The following DYDC1 variants were observed in gnomAD, a reference collection of about 807,000 sequenced individuals.
DYDC1 encodes the protein DPY30 domain-containing protein 1.
In DYDC1, 21 loss-of-function variants were observed where a neutral mutation model predicts 27.9. The ratio of observed to expected loss-of-function variants is 0.75; its 90% CI spans 0.53 to 1.08. The LOEUF is 1.08. Ranked by LOEUF, DYDC1 falls within the 50% of genes least tolerant of loss-of-function variation. The probability of loss-of-function intolerance (pLI) is 0.00; values close to 1 mark genes in which losing one functional copy is unlikely to be tolerated. For synonymous variants in DYDC1, 67 were observed against 65.8 expected, an observed-to-expected ratio of 1.02 and a Z score of -0.09; for missense variants, 202 against 205.9, an observed-to-expected ratio of 0.98 and a Z score of 0.12.
intron 1 of DYDC1, 26 bp from the exon 2 acceptor site, chr10:80,352,636 C>T: frequency 6.3e-7 from 1 of 1,586,466 alleles, no homozygotes; most frequent in Non-Finnish European, 8.5e-7. Flanking sequence ...TTTTGCATTA[C>T]TGCAGGATAT....
intron 4 of DYDC1, among the ~76,000 whole-genome samples, chr10:80,339,390 A>T (rs977521170): frequency 6.6e-6 from 1 of 152,200 alleles, no homozygotes; most frequent in African/African-American, 2.4e-5. Context: ...AAAGTTTTTT[A>T]AAAATGAAAT....
intron 1 of DYDC1, among the ~76,000 whole-genome samples, chr10:80,354,925 C>T (rs1843266834): frequency 6.6e-6 from 1 of 151,848 alleles, no homozygotes; most frequent in Non-Finnish European, 1.5e-5. Flanking sequence ...ACAGTCTCTG[C>T]CTTCATGGAG....
intron 4 of DYDC1, among the ~76,000 whole-genome samples, chr10:80,339,558 G>A (rs996006707): frequency 1.3e-5 from 2 of 152,014 alleles, no homozygotes; most frequent in Non-Finnish European, 2.9e-5. Context: ...ACTTCTACAG[G>A]AACTAATCTG....
At chr10:80,342,006 A>G (rs1589500411) in intron 4 of DYDC1, among the ~76,000 whole-genome samples, 1 of 145,716 alleles carries the variant, frequency 6.9e-6, no homozygotes, top group Non-Finnish European at 1.5e-5. Flanking sequence ...CCTGGGCAAC[A>G]AGAATGAGAC....
At chr10:80,336,755 A>G (rs1293616940) in intron 6 of DYDC1, among the ~76,000 whole-genome samples, 1 of 152,210 alleles carries the variant, frequency 6.6e-6, no homozygotes, top group Non-Finnish European at 1.5e-5. Flanking sequence ...AGCCCAAGGA[A>G]GACATTTAGG....
chr10:80,336,154 T>A lies in DYDC1; in HGVS notation c.*2A>T, dbSNP rs779747751. The A allele has an allele frequency of 3.3e-6, 5 of 1,513,306 alleles. No homozygotes were observed. In the South Asian group the frequency reaches 4.8e-5, roughly 14 times the overall value. 93.7% of individuals were successfully genotyped at this position (1,513,306 alleles called of 1,614,324 possible). On this transcript the variant is annotated 3_prime_UTR_variant, in exon 7 of 7. Coordinates refer to ENST00000372202, the MANE Select transcript of DYDC1 (RefSeq NM_001269053.2). ...CATTTATTGCTCTTAGGTTGGTTGG[T>A]CCTACAAATCTTGATCAATGTTTAA...
intron 1 of DYDC1, among the ~76,000 whole-genome samples, chr10:80,354,722 C>T (rs1843251578): frequency 6.6e-6 from 1 of 152,092 alleles, no homozygotes; most frequent in South Asian, 2.1e-4. Context: ...CGTGCTCTCA[C>T]TCTCTGCCAT....
chr10:80,343,900 G>C (rs987591343), intron 3 of DYDC1, among the ~76,000 whole-genome samples: 2 of 152,158 alleles, frequency 1.3e-5, no homozygotes, highest in African/African-American at 4.8e-5. Flanking sequence ...TGGAAGGCCT[G>C]AGGACAGGAG....
intron 6 of DYDC1, chr10:80,337,084 G>C: frequency 1.0e-6 from 1 of 972,128 alleles, no homozygotes. Context: ...TAGCTCCATG[G>C]ACGTTAGCCA....
At chr10:80,341,368 G>GGGAGGT (rs1449302714) in intron 4 of DYDC1, among the ~76,000 whole-genome samples, 1 of 149,172 alleles carries the variant, frequency 6.7e-6, no homozygotes, top group East Asian at 2.0e-4. Flanking sequence ...GCTTGAACCC[G>GGGAGGT]GGAGGTGGAG....
At chr10:80,342,446 C>G in intron 3 of DYDC1, 85 bp from the exon 4 acceptor site, 4 of 1,243,164 alleles carry the variant, frequency 3.2e-6, no homozygotes, top group Non-Finnish European at 4.4e-6. Flanking sequence ...CAGAAACTTA[C>G]AATACATGGT....
chr10:80,347,275 CCTTTT>C (rs1361516334), intron 3 of DYDC1, among the ~76,000 whole-genome samples: 1 of 41,300 alleles, frequency 2.4e-5, no homozygotes, highest in Non-Finnish European at 4.2e-5. Flanking sequence ...TAATTGGGAT[CCTTTT>C]TTTTTTTTTT....
intron 4 of DYDC1, among the ~76,000 whole-genome samples, chr10:80,341,916 C>T (rs535700268): frequency 6.6e-6 from 1 of 151,476 alleles, no homozygotes; most frequent in South Asian, 2.1e-4. Context: ...TCCAGCTACT[C>T]GGGAGGCTGA....
chr10:80,338,974 A>G (rs549387495), intron 5 of DYDC1, 123 bp downstream of exon 5: 1 of 538,582 alleles, frequency 1.9e-6, no homozygotes, highest in Non-Finnish European at 3.2e-6. Flanking sequence ...GAAAATATAC[A>G]TGGACTATCA....
At chr10:80,337,320 G>C in intron 6 of DYDC1, 1 of 985,478 alleles carries the variant, frequency 1.0e-6, no homozygotes, top group Non-Finnish European at 1.2e-6. Context: ...TCCCTGCATA[G>C]TGCCAAATCA....
chr10:80,344,651 CTTCCCT>C, intron 3 of DYDC1: 1 of 164,380 alleles, frequency 6.1e-6, no homozygotes, highest in Admixed American at 6.3e-5. Flanking sequence ...GGGAGCTGGT[CTTCCCT>C]GTGCTATTCT....
intron 3 of DYDC1, among the ~76,000 whole-genome samples, chr10:80,345,233 A>G (rs1842541169): frequency 6.6e-6 from 1 of 152,184 alleles, no homozygotes; most frequent in Admixed American, 6.5e-5. Context: ...GAAGCTGAAT[A>G]TATCCTGATG....
At chr10:80,345,307 G>T (rs767347028) in intron 3 of DYDC1, among the ~76,000 whole-genome samples, 4 of 152,084 alleles carry the variant, frequency 2.6e-5, no homozygotes, top group Non-Finnish European at 5.9e-5. Context: ...TCAGGGTCAA[G>T]ATTTAACTTT....
chr10:80,353,713 T>G (rs539348667), intron 1 of DYDC1, among the ~76,000 whole-genome samples: 12 of 151,106 alleles, frequency 7.9e-5, no homozygotes, highest in South Asian at 4.2e-4. Context: ...GTGCACTTAC[T>G]CTGTCTGTGC....
Sources: gnomAD v4.1 joint callset for allele counts (sites outside exome capture counted in the v4.1 genomes callset) on GRCh38, gnomAD v4.1.1 for gene constraint, MANE v1.5 for transcripts, NCBI Gene and HGNC (gene_info 2026-07-23, HGNC 2026-07-21) for gene names.